Variants in PTPRD observed in about 807,000 individuals in gnomAD.
PTPRD encodes the protein receptor-type tyrosine-protein phosphatase delta.
Under a neutral mutation model 214.5 loss-of-function variants are expected in PTPRD, and 34 were observed. The ratio of observed to expected loss-of-function variants is 0.16; its 90% CI spans 0.12 to 0.21. PTPRD has a LOEUF of 0.21. Ranked by LOEUF, PTPRD falls within the 10% of genes least tolerant of loss-of-function variation. PTPRD has a pLI of 1.00. For synonymous variants in PTPRD, 1,128 were observed against 845.7 expected, an observed-to-expected ratio of 1.33 and a Z score of -5.79; for missense variants, 2,545 against 2,398.7, an observed-to-expected ratio of 1.06 and a Z score of -1.27.
chr9:10,238,253 G>A (rs1285207627), intron 3 of PTPRD, among the ~76,000 whole-genome samples: 2 of 151,610 alleles, frequency 1.3e-5, no homozygotes, highest in Admixed American at 6.6e-5. Context: ...AAGTCTGGCT[G>A]CTGAAACTGC....
intron 5 of PTPRD, among the ~76,000 whole-genome samples, chr9:9,912,232 G>T (rs909180747): frequency 5.9e-5 from 9 of 152,028 alleles, no homozygotes; most frequent in Admixed American, 6.6e-5. Flanking sequence ...AAAGGAGCAG[G>T]TCAGCCCCTC....
At chr9:9,446,526 G>A (rs919308956) in intron 8 of PTPRD, among the ~76,000 whole-genome samples, 8 of 152,096 alleles carry the variant, frequency 5.3e-5, no homozygotes, top group African/African-American at 1.9e-4. Context: ...CACACAACTG[G>A]AACTCTATTT....
At chr9:8,930,664 T>G (rs550159372) in intron 11 of PTPRD, among the ~76,000 whole-genome samples, 24 of 152,350 alleles carry the variant, frequency 1.6e-4, no homozygotes, top group African/African-American at 5.3e-4. Context: ...CTAACTGGTG[T>G]GAGATGGTAT....
At chr9:8,638,606 G>A (rs571911957) in intron 12 of PTPRD, among the ~76,000 whole-genome samples, 5 of 152,292 alleles carry the variant, frequency 3.3e-5, no homozygotes, top group Admixed American at 2.6e-4. Context: ...AAGTTCAGAA[G>A]AGGCATATTT....
chr9:9,777,905 A>G (rs2098811210), intron 5 of PTPRD, among the ~76,000 whole-genome samples: 1 of 152,196 alleles, frequency 6.6e-6, no homozygotes, highest in African/African-American at 2.4e-5. Context: ...GGGTTTATAC[A>G]TGAGTCATTG....
In PTPRD at chr9:8,314,772, C is replaced by A. The variant is rs1808226770; in HGVS notation, c.*3102G>T. ...CTATGTTGTGTTATTTACATACACA[C>A]AAATGAATTTCCGAAGCAGTTTCTT... is the stretch of plus-strand genomic sequence containing the variant. On this transcript the variant is annotated 3_prime_UTR_variant, in exon 46 of 46. Coordinates refer to ENST00000381196, the MANE Select transcript of PTPRD (RefSeq NM_002839.4). 1 of 232,050 alleles carries A rather than the reference C, an allele frequency of 4.3e-6. No individual in the cohort carries two copies. The highest frequency in any genetic ancestry group is 2.2e-5 in the African/African-American group (1 of 45,006). 14.4% of individuals were successfully genotyped at this position (232,050 alleles called of 1,614,324 possible).
At chr9:8,741,603 A>C (rs1282142833) in intron 11 of PTPRD, among the ~76,000 whole-genome samples, 1 of 36,204 alleles carries the variant, frequency 2.8e-5, no homozygotes, top group Admixed American at 4.1e-4. Context: ...TTTTTTTTTG[A>C]GATGAAGTCT....
chr9:10,330,776 T>G (rs150135159), intron 3 of PTPRD, among the ~76,000 whole-genome samples: 799 of 151,900 alleles, frequency 5.3e-3, no homozygotes, highest in Non-Finnish European at 7.9e-3. Flanking sequence ...ACTGCTGACT[T>G]AATATAGGCA....
intron 3 of PTPRD, among the ~76,000 whole-genome samples, chr9:10,242,424 T>A (rs928009538): frequency 6.6e-6 from 1 of 151,968 alleles, no homozygotes; most frequent in Non-Finnish European, 1.5e-5. Flanking sequence ...CATTTTTGTA[T>A]AATCACTCAG....
chr9:9,547,897 G>A (rs1329244315), intron 8 of PTPRD, among the ~76,000 whole-genome samples: 1 of 150,322 alleles, frequency 6.7e-6, no homozygotes, highest in Non-Finnish European at 1.5e-5. Context: ...TGTGAAAGAA[G>A]CTCAAGAAAA....
rs372500910 is a variant in PTPRD at position 9,503,515 on chromosome 9, G to C, written c.-237+71217C>G. Among the ~76,000 whole-genome samples, 33 of 151,810 alleles carry C rather than the reference G, an allele frequency of 2.2e-4. No individual in the cohort carries two copies. The South Asian group carries it at 4.8e-3, about 22-fold the overall frequency. ...CTGTAAGACCAGATGAAAAAATGTA[G>C]AGGAGGCCATGGAATGTTTGCTGAG... On this transcript the variant is annotated intron_variant, in intron 8 of 45. Coordinates refer to ENST00000381196, the MANE Select transcript of PTPRD (RefSeq NM_002839.4).
intron 12 of PTPRD, among the ~76,000 whole-genome samples, chr9:8,703,994 T>A (rs2098144788): frequency 6.6e-6 from 1 of 152,154 alleles, no homozygotes. Flanking sequence ...TCCTTGACAT[T>A]TCCTTATATA....
At chr9:8,555,047 A>G (rs1344167889) in intron 14 of PTPRD, among the ~76,000 whole-genome samples, 2 of 152,286 alleles carry the variant, frequency 1.3e-5, no homozygotes, top group African/African-American at 4.8e-5. Context: ...AAATGTTACT[A>G]TATCAAGAGA....
At chr9:9,892,485 G>C (rs1037333995) in intron 5 of PTPRD, among the ~76,000 whole-genome samples, 1 of 152,074 alleles carries the variant, frequency 6.6e-6, no homozygotes, top group South Asian at 2.1e-4. Context: ...AGAGAAATTT[G>C]AAGATATAGC....
intron 35 of PTPRD, among the ~76,000 whole-genome samples, chr9:8,426,126 T>C (rs111960238): frequency 5.5e-4 from 83 of 152,262 alleles, no homozygotes; most frequent in African/African-American, 2.0e-3. Flanking sequence ...ATATTGAAGT[T>C]CACAATAACA....
chr9:8,323,244 G>C (rs1418524255), intron 44 of PTPRD, among the ~76,000 whole-genome samples: 1 of 152,152 alleles, frequency 6.6e-6, no homozygotes, highest in Non-Finnish European at 1.5e-5. Context: ...TTACCCAAGA[G>C]CTCTGGTGGA....
intron 2 of PTPRD, among the ~76,000 whole-genome samples, chr9:10,600,456 G>T (rs1357622449): frequency 4.6e-5 from 7 of 151,690 alleles, no homozygotes; most frequent in Non-Finnish European, 1.0e-4. Context: ...ATACTCAACA[G>T]ATGTTAGAGC....
chr9:10,079,569 T>C (rs1466958516), intron 3 of PTPRD, among the ~76,000 whole-genome samples: 1 of 152,056 alleles, frequency 6.6e-6, no homozygotes, highest in African/African-American at 2.4e-5. Flanking sequence ...AGGATAGAGA[T>C]TTGGATTTTA....
chr9:8,757,817 AC>A (rs1178149771), intron 11 of PTPRD, among the ~76,000 whole-genome samples: 1 of 152,080 alleles, frequency 6.6e-6, no homozygotes, highest in Admixed American at 6.6e-5. Context: ...TTCAAATTAA[AC>A]CTTTGCCATC....
Sources: allele counts gnomAD v4.1 joint callset (sites outside exome capture counted in the v4.1 genomes callset), GRCh38; gene constraint gnomAD v4.1.1; transcripts MANE v1.5; gene names NCBI Gene and HGNC (gene_info 2026-07-23, HGNC 2026-07-21).